Variants in ANKRD31 observed in about 807,000 individuals in gnomAD.
The protein encoded by ANKRD31 is ankyrin repeat domain 31.
A neutral mutation model predicts 186.0 loss-of-function variants in ANKRD31; 147 were observed. The ratio of observed to expected loss-of-function variants is 0.79; its 90% CI spans 0.69 to 0.91. The LOEUF (loss-of-function observed/expected upper bound fraction) is 0.91. ANKRD31 is among the 40% of genes least tolerant of loss of function. The probability of loss-of-function intolerance (pLI) is 0.00; values close to 1 mark genes in which losing one functional copy is unlikely to be tolerated. For synonymous variants in ANKRD31, 673 were observed against 736.4 expected, an observed-to-expected ratio of 0.91 and a Z score of 1.39; for missense variants, 1,986 against 2,148.8, an observed-to-expected ratio of 0.92 and a Z score of 1.50.
At position 75,180,193 on chromosome 5, in the gene ANKRD31, T is replaced by C. The variant is rs1310751774; in HGVS notation, c.1564+8300A>G. 3.3e-5 allele frequency among the ~76,000 whole-genome samples: 5 copies of C among 152,260 alleles called. No homozygotes were observed. In the South Asian group the frequency reaches 8.3e-4, roughly 25 times the overall value. On this transcript the variant is annotated intron_variant, in intron 10 of 25. Coordinates refer to ENST00000506364, the MANE Select transcript of ANKRD31 (RefSeq NM_001372053.1). ...ACTTACAAGGGATGTGAAGGACCTC[T>C]TCAAGGAGAACTACAAACCACTGCT...
chr5:75,098,931 C>A (rs982773736), intron 22 of ANKRD31, among the ~76,000 whole-genome samples: 1 of 152,150 alleles, frequency 6.6e-6, no homozygotes, highest in Non-Finnish European at 1.5e-5. Context: ...TTTCTTTCTC[C>A]TGCCTGATTG....
At chr5:75,112,306 T>C (rs1027286296) in intron 20 of ANKRD31, among the ~76,000 whole-genome samples, 3 of 152,186 alleles carry the variant, frequency 2.0e-5, no homozygotes, top group Admixed American at 2.0e-4. Context: ...ATCAGCCTTT[T>C]AGCTATCATT....
rs183761527 is a variant in ANKRD31, at chr5:75,166,708, A to G, written c.1707+2271T>C. On this transcript the variant is annotated intron_variant, in intron 11 of 25. Coordinates refer to ENST00000506364, the MANE Select transcript of ANKRD31 (RefSeq NM_001372053.1). ...TTACCTTTACCTACTAACAAGGTAAACCTAATAAAAGAGAAATAAAGGTTA... is the reference window on the plus strand; with the variant it reads ...TTACCTTTACCTACTAACAAGGTAAGCCTAATAAAAGAGAAATAAAGGTTA... Among the ~76,000 whole-genome samples the G allele has an allele frequency of 2.6e-4, 40 of 152,270 alleles. No homozygotes were observed. The East Asian group carries it at 7.3e-3, about 28-fold the overall frequency.
At chr5:75,223,371 C>T (rs1376871489) in intron 2 of ANKRD31, among the ~76,000 whole-genome samples, 1 of 152,086 alleles carries the variant, frequency 6.6e-6, no homozygotes, top group African/African-American at 2.4e-5. Context: ...ATAGAAAGTA[C>T]ATAGACTTAA....
chr5:75,137,373 C>G (rs1301468695), intron 17 of ANKRD31, among the ~76,000 whole-genome samples: 1 of 152,030 alleles, frequency 6.6e-6, no homozygotes, highest in Non-Finnish European at 1.5e-5. Flanking sequence ...TCCTCGTAAT[C>G]TTTTCTTGTG....
intron 10 of ANKRD31, among the ~76,000 whole-genome samples, chr5:75,183,425 G>A (rs914110118): frequency 3.4e-4 from 52 of 151,852 alleles, no homozygotes; most frequent in African/African-American, 1.2e-3. Context: ...AGAGAAATTA[G>A]GCAAAAGAAA....
Position 75,210,847 on chromosome 5 carries a change from G to T in ANKRD31, c.307C>A (p.Arg103=), listed in dbSNP as rs530897573. 2 of 1,510,662 alleles carry T rather than the reference G, an allele frequency of 1.3e-6. No individual in the cohort carries two copies. Among genetic ancestry groups the T allele is most frequent in the African/African-American group, 2.8e-5 (2 of 71,238 alleles). 93.6% of individuals were successfully genotyped at this position (1,510,662 alleles called of 1,614,324 possible). Residue 103 remains arginine, a synonymous_variant, in exon 4 of 26, where the codon CGA becomes AGA. Coordinates refer to ENST00000506364, the MANE Select transcript of ANKRD31 (RefSeq NM_001372053.1). ...TILQSQDETE[R]NQALLQTRKN... ...ACTTACTGTAACAGAGCTTGATTTC[G>T]TTCTGTTTCATCTTGAGACTGCTAG...
intron 12 of ANKRD31, among the ~76,000 whole-genome samples, chr5:75,150,771 G>C (rs1194831128): frequency 1.3e-5 from 2 of 151,984 alleles, no homozygotes; most frequent in Admixed American, 6.6e-5. Flanking sequence ...ATTTAAAATA[G>C]AGAAGTCAAG....
Position 75,131,947 on chromosome 5 carries a change from T to A in ANKRD31, c.3876+5909A>T, listed in dbSNP as rs1580387604. Among the ~76,000 whole-genome samples the A allele has an allele frequency of 2.6e-5, 4 of 151,984 alleles. No individual in the cohort carries two copies. The South Asian group carries it at 6.2e-4, about 24-fold the overall frequency. ...CTCCCAACAGGCCTGCAGCTGAGGGTCCTGACTGTTAGAAGGAAAACTAAC... is the reference window on the plus strand; with the variant it reads ...CTCCCAACAGGCCTGCAGCTGAGGGACCTGACTGTTAGAAGGAAAACTAAC... On this transcript the variant is annotated intron_variant, in intron 17 of 25. Coordinates refer to ENST00000506364, the MANE Select transcript of ANKRD31 (RefSeq NM_001372053.1).
At chr5:75,166,692 C>T (rs909053903) in intron 11 of ANKRD31, among the ~76,000 whole-genome samples, 2 of 152,146 alleles carry the variant, frequency 1.3e-5, no homozygotes, top group African/African-American at 4.8e-5. Flanking sequence ...ATTACCTTTA[C>T]CTACTAACAA....
chr5:75,142,598 TTC>T (rs1751130537), intron 15 of ANKRD31, among the ~76,000 whole-genome samples: 5 of 152,142 alleles, frequency 3.3e-5, no homozygotes, highest in African/African-American at 1.2e-4. Flanking sequence ...TTTGATATCT[TTC>T]ATATTGGTGT....
chr5:75,177,914 C>T (rs1324581935), intron 10 of ANKRD31, among the ~76,000 whole-genome samples: 4 of 152,086 alleles, frequency 2.6e-5, no homozygotes, highest in Non-Finnish European at 5.9e-5. Flanking sequence ...GGGCTAAATG[C>T]TCCAATTAAA....
intron 15 of ANKRD31, among the ~76,000 whole-genome samples, chr5:75,140,238 G>A (rs759609476): frequency 1.7e-4 from 12 of 69,210 alleles, no homozygotes; most frequent in African/African-American, 5.5e-4. Context: ...AAAGAAAGAA[G>A]GAAGGAAGGA....
intron 17 of ANKRD31, among the ~76,000 whole-genome samples, chr5:75,124,780 G>A (rs1444294143): frequency 6.6e-6 from 1 of 151,998 alleles, no homozygotes; most frequent in Non-Finnish European, 1.5e-5. Context: ...TGTATACATG[G>A]ACAGAGTGTG....
intron 25 of ANKRD31, among the ~76,000 whole-genome samples, chr5:75,075,313 C>T (rs1225443291): frequency 1.3e-5 from 2 of 152,150 alleles, no homozygotes; most frequent in Non-Finnish European, 2.9e-5. Flanking sequence ...CTCCTTGTTC[C>T]ACCTCTCCTT....
At chr5:75,083,008 T>C (rs1033033285) in intron 24 of ANKRD31, among the ~76,000 whole-genome samples, 1 of 152,234 alleles carries the variant, frequency 6.6e-6, no homozygotes, top group Non-Finnish European at 1.5e-5. Flanking sequence ...TAGTCCAAAA[T>C]GCTTGGGACC....
chr5:75,094,162 T>C (rs1746140501), intron 22 of ANKRD31, among the ~76,000 whole-genome samples: 1 of 152,158 alleles, frequency 6.6e-6, no homozygotes, highest in Non-Finnish European at 1.5e-5. Context: ...AAAGCTTTAT[T>C]GGGCTAAGGA....
At position 75,223,429 on chromosome 5, in the gene ANKRD31, TG is replaced by T. The variant is rs138633537; in HGVS notation, c.179-1072del. ...ATTCCTTTTTAAATTCATTTTAGAT[TG>T]TTTTTTTGAAACTCATAATACTAGT... is the stretch of plus-strand genomic sequence containing the variant. On this transcript the variant is annotated intron_variant, in intron 2 of 25. Coordinates refer to ENST00000506364, the MANE Select transcript of ANKRD31 (RefSeq NM_001372053.1). Among the ~76,000 whole-genome samples the T allele has an allele frequency of 2.5e-3, 384 of 152,316 alleles. 8 individuals are homozygous for T. The East Asian group carries it at 0.061, about 24-fold the overall frequency.
intron 5 of ANKRD31, among the ~76,000 whole-genome samples, chr5:75,204,376 G>A (rs994998873): frequency 6.6e-6 from 1 of 152,150 alleles, no homozygotes; most frequent in African/African-American, 2.4e-5. Context: ...AACCTGACCA[G>A]CCAATTATCT....
Sources: allele counts gnomAD v4.1 joint callset (sites outside exome capture counted in the v4.1 genomes callset), GRCh38; gene constraint gnomAD v4.1.1; transcripts MANE v1.5; gene names NCBI Gene and HGNC (gene_info 2026-07-23, HGNC 2026-07-21).